Variants in SRC observed in about 807,000 individuals in gnomAD.
The protein encoded by SRC is proto-oncogene tyrosine-protein kinase Src.
A neutral mutation model predicts 62.9 loss-of-function variants in SRC; 13 were observed. That is an observed-to-expected ratio of 0.21 (90% CI 0.13 to 0.33). The LOEUF (loss-of-function observed/expected upper bound fraction) is 0.33, where lower values mean the gene tolerates loss of function less well. Ranked by LOEUF, SRC falls within the 10% of genes least tolerant of loss-of-function variation. The pLI is 1.00. For synonymous variants in SRC, 302 were observed against 317.5 expected (o/e 0.95, Z 0.52); for missense variants, 457 against 737.3 (o/e 0.62, Z 4.40).
intron 2 of SRC, among the ~76,000 whole-genome samples, chr20:37,375,176 C>G (rs1329267239): frequency 6.6e-6 from 1 of 151,864 alleles, no homozygotes; most frequent in African/African-American, 2.4e-5. Context: ...GGTGATCCAC[C>G]TGCCTTGGCC....
chr20:37,353,141 A>G (rs963393868), intron 1 of SRC, among the ~76,000 whole-genome samples: 15 of 152,212 alleles, frequency 9.9e-5, no homozygotes, highest in African/African-American at 3.6e-4. Flanking sequence ...ACCTCTGTGC[A>G]TCCCCAGCAC....
intron 5 of SRC, among the ~76,000 whole-genome samples, chr20:37,388,836 TAGG>T (rs2070496630): frequency 6.6e-6 from 1 of 151,936 alleles, no homozygotes; most frequent in African/African-American, 2.4e-5. Flanking sequence ...CGGGGCTTGG[TAGG>T]AGATGGGCCA....
chr20:37,386,335 C>T, intron 5 of SRC, 161 bp downstream of exon 5: 1 of 756,960 alleles, frequency 1.3e-6, no homozygotes, highest in African/African-American at 1.7e-5. Flanking sequence ...CACTCTCGCC[C>T]TGGGCAGCAC....
intron 1 of SRC, among the ~76,000 whole-genome samples, chr20:37,357,332 G>A (rs1238301242): frequency 2.0e-5 from 3 of 152,162 alleles, no homozygotes; most frequent in Admixed American, 1.3e-4. Context: ...CTGTGAGCTC[G>A]GATGGGCCCT....
At chr20:37,348,184 C>G (rs1052927502) in intron 1 of SRC, among the ~76,000 whole-genome samples, 2 of 152,214 alleles carry the variant, frequency 1.3e-5, no homozygotes, top group Non-Finnish European at 2.9e-5. Flanking sequence ...CCCCTCTCTT[C>G]TAGGAGGAAG....
rs1046739358 is a variant in SRC, at chr20:37,398,437, G to C, written c.859+583G>C. 6.6e-6 allele frequency among the ~76,000 whole-genome samples: 1 copy of C among 152,218 alleles called. No individual in the cohort carries two copies. Among genetic ancestry groups the C allele is most frequent in the African/African-American group, 2.4e-5 (1 of 41,468 alleles). ...GGACCGGAGGCCAGGGTGGAGGAGA[G>C]ACGGCGGTTGTAACCCCGTAAGCCC... is the stretch of plus-strand genomic sequence containing the variant. On this transcript the variant is annotated intron_variant, in intron 9 of 13. Transcript: ENST00000373578. The surrounding 1 kb of genome is among the most constrained non-coding windows in gnomAD (Gnocchi z 5.2).
intron 2 of SRC, among the ~76,000 whole-genome samples, chr20:37,371,870 T>G (rs1048791287): frequency 1.3e-5 from 2 of 151,840 alleles, no homozygotes; most frequent in Non-Finnish European, 2.9e-5. Context: ...GCCTGGCTGA[T>G]TTTTGTATTT....
At chr20:37,392,425 G>A (rs760501482) in intron 5 of SRC, among the ~76,000 whole-genome samples, 12 of 152,306 alleles carry the variant, frequency 7.9e-5, no homozygotes, top group East Asian at 1.9e-4. Flanking sequence ...GGGAGCCAGG[G>A]ATCCAGGTTC....
chr20:37,396,242 A>G lies in SRC; in HGVS notation c.634A>G (p.Ser212Gly). The change falls in exon 8 of 14, where the codon AGC becomes GGC. Residue 212 changes from serine to glycine, a missense_variant. Physicochemically the swap from Ser to Gly is moderately conservative, Grantham distance 56. Around this residue, in one of 4 missense-constraint regions of SRC, gnomAD observed 141 missense variants for 198.4 expected, o/e 0.71. Transcript: ENST00000373578. The surrounding 1 kb of genome is among the most constrained non-coding windows in gnomAD (Gnocchi z 6.1). ...GCACTACAAGATCCGCAAGCTGGAC[A>G]GCGGCGGCTTCTACATCACCTCCCG... ...VKHYKIRKLD[S>G]GGFYITSRTQ... The G allele has an allele frequency of 6.2e-7, 1 of 1,614,036 alleles. No individual in the cohort carries two copies. Among genetic ancestry groups the G allele is most frequent in the Non-Finnish European group, 8.5e-7 (1 of 1,179,992 alleles).
chr20:37,403,030 T>C lies in SRC; in HGVS notation c.1403-141T>C, dbSNP rs75073430. On this transcript the variant is annotated intron_variant, in intron 13 of 13. Coordinates refer to ENST00000373578, the MANE Select transcript of SRC (RefSeq NM_198291.3). This position sits in a 1 kb window ranked among gnomAD's most constrained non-coding sequence, Gnocchi z 7.1. ...GTTAGGCTCTCTCGATGGTCCATGC[T>C]CTCAGCTTCGGGGACAGGACTTATC... 5.0e-4 allele frequency: 654 copies of C among 1,319,722 alleles called. 10 individuals are homozygous for C. In the East Asian group the frequency reaches 0.015, roughly 31 times the overall value. 81.8% of individuals were successfully genotyped at this position (1,319,722 alleles called of 1,614,324 possible). A position where few individuals can be genotyped will look rare whatever the true frequency, so the allele number is the denominator to read the frequency against.
intron 1 of SRC, among the ~76,000 whole-genome samples, chr20:37,346,574 T>A (rs1166266049): frequency 6.6e-6 from 1 of 150,826 alleles, no homozygotes; most frequent in Non-Finnish European, 1.5e-5. Flanking sequence ...AGCTGGGCCC[T>A]AGCCCCCGGG....
intron 5 of SRC, among the ~76,000 whole-genome samples, chr20:37,392,037 G>A (rs1407911103): frequency 6.6e-6 from 1 of 152,114 alleles, no homozygotes; most frequent in Non-Finnish European, 1.5e-5. Context: ...CCGGGTGGGT[G>A]TACAACAAGG....
At position 37,397,902 on chromosome 20, in the gene SRC, G is replaced by T. The variant is rs186598829; in HGVS notation, c.859+48G>T. On this transcript the variant is annotated intron_variant, in intron 9 of 13. Transcript: ENST00000373578. This position sits in a 1 kb window ranked among gnomAD's most constrained non-coding sequence, Gnocchi z 4.1. ...GGGAGAGGCATCCACCCCCCACCCC[G>T]TGTGGCAGCTCCGGGCTCCCTTGGT... 4.1e-3 allele frequency: 6,378 copies of T among 1,566,118 alleles called. 358 individuals are homozygous for T. In the Admixed American group the frequency reaches 0.1, roughly 25 times the overall value.
At chr20:37,377,994 G>A (rs1003880178) in intron 2 of SRC, among the ~76,000 whole-genome samples, 2 of 151,644 alleles carry the variant, frequency 1.3e-5, no homozygotes, top group African/African-American at 4.8e-5. Context: ...TAGGGTATCC[G>A]TCACCTCAGT....
At chr20:37,401,764 G>A in intron 11 of SRC, 86 bp downstream of exon 11, 1 of 962,504 alleles carries the variant, frequency 1.0e-6, no homozygotes, top group Admixed American at 2.7e-5. Flanking sequence ...CCTCTTGAGT[G>A]CCCCCTCCAA....
At chr20:37,399,930 C>CT (rs2070713388) in intron 9 of SRC, among the ~76,000 whole-genome samples, 185 bp from the exon 10 acceptor site, 1 of 152,244 alleles carries the variant, frequency 6.6e-6, no homozygotes, top group Non-Finnish European at 1.5e-5. Context: ...GAGGAGCACC[C>CT]TGTCATTGTA....
At chr20:37,385,293 C>T (rs1410732423) in intron 4 of SRC, among the ~76,000 whole-genome samples, 1 of 152,202 alleles carries the variant, frequency 6.6e-6, no homozygotes, top group Non-Finnish European at 1.5e-5. Context: ...ACCCTTCAGA[C>T]GCAGACGCAC....
intron 2 of SRC, among the ~76,000 whole-genome samples, chr20:37,379,909 A>G (rs2070336733): frequency 6.8e-6 from 1 of 146,966 alleles, no homozygotes; most frequent in African/African-American, 2.5e-5. Flanking sequence ...AAAAAAAAAA[A>G]AAGGAAAAGA....
chr20:37,388,778 TG>T (rs931287402), intron 5 of SRC, among the ~76,000 whole-genome samples: 1 of 115,078 alleles, frequency 8.7e-6, no homozygotes. Flanking sequence ...GAGGTGTAGG[TG>T]GGGGGCTGGT....
Sources: allele counts gnomAD v4.1 joint callset (sites outside exome capture counted in the v4.1 genomes callset), GRCh38; gene constraint gnomAD v4.1.1; regional missense constraint gnomAD v4.1.1; non-coding constraint Gnocchi (gnomAD v3.1); transcripts MANE v1.5; gene names NCBI Gene and HGNC (gene_info 2026-07-23, HGNC 2026-07-21).